The following LRRC69 variants were observed in gnomAD, a reference collection of about 807,000 sequenced individuals.
LRRC69 encodes the protein leucine-rich repeat-containing protein 69.
A neutral mutation model predicts 37.8 loss-of-function variants in LRRC69; 42 were observed. That is an observed-to-expected ratio of 1.11 (90% CI 0.87 to 1.44). The LOEUF (loss-of-function observed/expected upper bound fraction) is 1.44. Ranked by LOEUF, LRRC69 falls within the 40% of genes most tolerant of loss-of-function variation. The pLI, the probability that LRRC69 is intolerant of heterozygous loss-of-function variation, is 0.00. For missense variants in LRRC69, 357 were observed against 401.9 expected (o/e 0.89, Z 0.96); for synonymous variants, 141 against 143.1 (o/e 0.99, Z 0.11).
chr8:91,189,396 A>G (rs746200476), intron 5 of LRRC69, 126 bp from the exon 6 acceptor site: 2 of 647,086 alleles, frequency 3.1e-6, no homozygotes, highest in Non-Finnish European at 5.3e-6. Context: ...TTAAATCCAC[A>G]TTAGTATTTA....
At chr8:91,209,788 G>T (rs1160908064) in intron 7 of LRRC69, among the ~76,000 whole-genome samples, 1 of 152,186 alleles carries the variant, frequency 6.6e-6, no homozygotes, top group African/African-American at 2.4e-5. Flanking sequence ...ATTCCATCAT[G>T]TTAAGGGAAT....
rs377280341 is a variant in LRRC69 at position 91,133,094 on chromosome 8, GT to G, written c.384-3del. On this transcript the variant is annotated splice_polypyrimidine_tract_variant and intron_variant, in intron 3 of 7. Coordinates refer to ENST00000448384, the Ensembl canonical transcript of LRRC69. ...GTGAGTTTCATTCATATACTTTGGT[GT>G]TTTTTTTTTTTTAGATTAAAAAGTC... 0.12 allele frequency: 123,708 copies of G among 1,027,268 alleles called. 15 individuals are homozygous for G. Among genetic ancestry groups the G allele is most frequent in the East Asian group, 0.2 (5,141 of 25,854 alleles). 63.6% of individuals were successfully genotyped at this position (1,027,268 alleles called of 1,614,324 possible). A position where few individuals can be genotyped will look rare whatever the true frequency, so the allele number is the denominator to read the frequency against.
chr8:91,112,536 TC>T (rs1277966325), intron 1 of LRRC69, among the ~76,000 whole-genome samples: 2 of 152,066 alleles, frequency 1.3e-5, no homozygotes, highest in African/African-American at 4.8e-5. Flanking sequence ...AAGTTCAGCA[TC>T]CATTCATGAT....
rs11990022 is a variant in LRRC69 at position 91,199,123 on chromosome 8, A to C, written c.754-1490A>C. Among the ~76,000 whole-genome samples the C allele has an allele frequency of 5.1e-3, 779 of 152,326 alleles. 5 individuals are homozygous for C. Among genetic ancestry groups the C allele is most frequent in the African/African-American group, 0.018 (730 of 41,578 alleles). On this transcript the variant is annotated intron_variant, in intron 6 of 7. Transcript: ENST00000448384. ...TTTGGGTAGTGAATCCTTATCCATG[A>C]GTTTTCTACAGCTTTATAATAAGAC...
At chr8:91,129,444 A>G (rs994772221) in intron 3 of LRRC69, among the ~76,000 whole-genome samples, 2 of 152,016 alleles carry the variant, frequency 1.3e-5, no homozygotes, top group African/African-American at 4.8e-5. Flanking sequence ...ACTCACACAA[A>G]TGAATGATGG....
At chr8:91,155,350 AC>A (rs1250345163) in intron 5 of LRRC69, among the ~76,000 whole-genome samples, 1 of 150,824 alleles carries the variant, frequency 6.6e-6, no homozygotes, top group Non-Finnish European at 1.5e-5. Flanking sequence ...TTTAAGCAAC[AC>A]ATAATAATTG....
chr8:91,153,251 C>A (rs897589855), intron 5 of LRRC69, among the ~76,000 whole-genome samples: 1 of 151,324 alleles, frequency 6.6e-6, no homozygotes. Context: ...GACTTAGACT[C>A]CCACACAATA....
At chr8:91,166,492 G>GAAAAAAAAAAAAAAAAAAAAAAAAA (rs66705016) in intron 5 of LRRC69, among the ~76,000 whole-genome samples, 1 of 95,298 alleles carries the variant, frequency 1.0e-5, no homozygotes, top group African/African-American at 5.1e-5. Context: ...AAAATAAACT[G>GAAAAAAAAAAAAAAAAAAAAAAAAA]AAAAAAAAAA....
chr8:91,118,229 G>A (rs1813548584), intron 1 of LRRC69: 1 of 455,236 alleles, frequency 2.2e-6, no homozygotes, highest in African/African-American at 2.0e-5. Context: ...TCTAGGCCGG[G>A]TGCGGTGGCT....
intron 7 of LRRC69, among the ~76,000 whole-genome samples, chr8:91,212,357 T>C (rs906197803): frequency 2.6e-5 from 4 of 152,130 alleles, no homozygotes; most frequent in Non-Finnish European, 5.9e-5. Flanking sequence ...CCAGATTCCT[T>C]TAAAGTTGAA....
At chr8:91,109,222 C>G (rs557484813) in intron 1 of LRRC69, among the ~76,000 whole-genome samples, 3 of 152,146 alleles carry the variant, frequency 2.0e-5, no homozygotes, top group Non-Finnish European at 4.4e-5. Flanking sequence ...TCTCTTGAAC[C>G]CCTGCTGGAA....
At chr8:91,109,715 T>C (rs1162842374) in intron 1 of LRRC69, among the ~76,000 whole-genome samples, 1 of 152,030 alleles carries the variant, frequency 6.6e-6, no homozygotes, top group Non-Finnish European at 1.5e-5. Flanking sequence ...CAGTAAGAGG[T>C]TGTGGGATCT....
intron 7 of LRRC69, among the ~76,000 whole-genome samples, chr8:91,214,411 CAT>C (rs1563629766): frequency 1.3e-5 from 2 of 152,162 alleles, no homozygotes; most frequent in African/African-American, 2.4e-5. Context: ...TATTTGAAAA[CAT>C]GTGCACTTTC....
chr8:91,219,107 A>G (rs75568379), downstream of LRRC69: 1,064 of 470,406 alleles, frequency 2.3e-3, 8 homozygotes, highest in African/African-American at 0.018. Flanking sequence ...TTGTCAACAC[A>G]TTAAATAAAG....
At chr8:91,107,987 G>A (rs116998479) in intron 1 of LRRC69, among the ~76,000 whole-genome samples, 2 of 152,096 alleles carry the variant, frequency 1.3e-5, no homozygotes, top group East Asian at 1.9e-4. Flanking sequence ...CCAAACACAC[G>A]TAGGAACAAA....
At chr8:91,178,658 A>G (rs1273152096) in intron 5 of LRRC69, among the ~76,000 whole-genome samples, 1 of 152,204 alleles carries the variant, frequency 6.6e-6, no homozygotes, top group African/African-American at 2.4e-5. Flanking sequence ...CCTCTGATGT[A>G]AGTCTTTACA....
At chr8:91,214,918 C>A (rs1810012216) in intron 7 of LRRC69, among the ~76,000 whole-genome samples, 2 of 151,896 alleles carry the variant, frequency 1.3e-5, no homozygotes, top group East Asian at 3.9e-4. Context: ...TGGGGGGAAC[C>A]ATTTTCTGGC....
At chr8:91,191,081 G>T (rs904384724) in intron 6 of LRRC69, among the ~76,000 whole-genome samples, 7 of 134,598 alleles carry the variant, frequency 5.2e-5, no homozygotes, top group Non-Finnish European at 1.1e-4. Flanking sequence ...ACAACAAAAA[G>T]CAAAGGGACA....
intron 6 of LRRC69, among the ~76,000 whole-genome samples, chr8:91,193,860 C>T (rs1586277953): frequency 7.6e-6 from 1 of 131,924 alleles, no homozygotes; most frequent in South Asian, 2.7e-4. Context: ...TGCCTAATTG[C>T]CCTGGCCAGA....
Sources: gnomAD v4.1 joint callset for allele counts (sites outside exome capture counted in the v4.1 genomes callset) on GRCh38, gnomAD v4.1.1 for gene constraint, MANE v1.5 for transcripts, NCBI Gene and HGNC (gene_info 2026-07-23, HGNC 2026-07-21) for gene names.